The following AMPD1 variants were observed in gnomAD, a reference collection of about 807,000 sequenced individuals.
AMPD1 encodes adenosine monophosphate deaminase 1.
AMPD1 carries 74 observed loss-of-function variants against 82.9 expected under a neutral mutation model. The ratio of observed to expected loss-of-function variants is 0.89; its 90% CI spans 0.74 to 1.08. The LOEUF (loss-of-function observed/expected upper bound fraction) is 1.08. AMPD1 is among the 50% of genes least tolerant of loss of function. AMPD1 has a pLI of 0.00. For missense variants in AMPD1, 881 were observed against 924.5 expected, an observed-to-expected ratio of 0.95 and a Z score of 0.61; for synonymous variants, 333 against 320.5, an observed-to-expected ratio of 1.04 and a Z score of -0.42.
chr1:114,694,861 G>A (rs1316472557), intron 1 of AMPD1, among the ~76,000 whole-genome samples: 1 of 151,954 alleles, frequency 6.6e-6, no homozygotes, highest in Non-Finnish European at 1.5e-5. Context: ...AAATAAATAA[G>A]TAAAAAATAA....
chr1:114,674,714 C>T, intron 13 of AMPD1, 38 bp downstream of exon 13: 1 of 1,604,920 alleles, frequency 6.2e-7, no homozygotes, highest in Non-Finnish European at 8.5e-7. Context: ...ATTCCTCTAG[C>T]TCCAATGTAA....
Position 114,688,579 on chromosome 1 carries a change from G to A in AMPD1, c.197C>T (p.Thr66Ile). The change falls in exon 3 of 16, where the codon ACC becomes ATC. Residue 66 changes from threonine to isoleucine, a missense_variant. Physicochemically the swap from Thr to Ile is moderately conservative, Grantham distance 89 (BLOSUM62 -1). Transcript: ENST00000520113. ...AHIFHLETLS[T>I]STEARRKKRF... ...CACTTACCTCCTGGCTTCTGTGGAG[G>A]TGGACAGAGTCTCCAGATGGAATAT... 6.2e-7 allele frequency: 1 copy of A among 1,614,164 alleles called. No individual in the cohort carries two copies. Among genetic ancestry groups the A allele is most frequent in the Non-Finnish European group, 8.5e-7 (1 of 1,180,032 alleles).
intron 3 of AMPD1, among the ~76,000 whole-genome samples, chr1:114,687,621 T>C (rs1658359334): frequency 6.6e-6 from 1 of 151,966 alleles, no homozygotes; most frequent in Non-Finnish European, 1.5e-5. Flanking sequence ...AAGTAGTTAG[T>C]ATAGGTTTGA....
chr1:114,680,740 G>C (rs1046172620), intron 5 of AMPD1, among the ~76,000 whole-genome samples: 2 of 152,170 alleles, frequency 1.3e-5, no homozygotes, highest in African/African-American at 4.8e-5. Context: ...GCCAAGGCAG[G>C]CAGATCACCT....
At chr1:114,693,795 A>C (rs1459373603) in intron 1 of AMPD1, among the ~76,000 whole-genome samples, 1 of 152,264 alleles carries the variant, frequency 6.6e-6, no homozygotes, top group Non-Finnish European at 1.5e-5. Context: ...TAAACAATTT[A>C]GTAACACCTA....
intron 4 of AMPD1, among the ~76,000 whole-genome samples, chr1:114,685,187 A>G (rs1658276779): frequency 6.6e-6 from 1 of 152,176 alleles, no homozygotes; most frequent in Non-Finnish European, 1.5e-5. Flanking sequence ...GTCCTTGGCC[A>G]AAAGCGTCTG....
chr1:114,676,672 A>G (rs1657991279), intron 10 of AMPD1, among the ~76,000 whole-genome samples: 1 of 152,212 alleles, frequency 6.6e-6, no homozygotes, highest in South Asian at 2.1e-4. Context: ...ATTAGGAAGT[A>G]TTATCCCAGT....
chr1:114,673,753 C>T lies in AMPD1; in HGVS notation c.1975-4G>A, dbSNP rs1387987658. The T allele has an allele frequency of 1.2e-6, 2 of 1,609,240 alleles. No homozygotes were observed. The highest frequency in any genetic ancestry group is 1.3e-5 in the African/African-American group (1 of 74,790). ...CATATTCTTCCATTAGGGGCTCCTG[C>T]AGTTATATTAAATGAGGAAAAAAGA... On this transcript the variant is annotated splice_region_variant and splice_polypyrimidine_tract_variant and intron_variant, in intron 14 of 15. Coordinates refer to ENST00000520113, the MANE Select transcript of AMPD1 (RefSeq NM_000036.3).
intron 5 of AMPD1, 41 bp from the exon 6 acceptor site, chr1:114,680,519 A>G (rs1208532046): frequency 4.5e-6 from 7 of 1,559,102 alleles, no homozygotes; most frequent in Admixed American, 3.3e-5. Context: ...AGCACATAGG[A>G]TGAACGACCA....
chr1:114,688,597 T>C lies in AMPD1; in HGVS notation c.179A>G (p.His60Arg). 2 of 1,614,150 alleles carry C rather than the reference T, an allele frequency of 1.2e-6. No individual in the cohort carries two copies. The highest frequency in any genetic ancestry group is 1.7e-6 in the Non-Finnish European group (2 of 1,180,030). ...SHHEMQAHIF[H>R]LETLSTSTEA... ...TGTGGAGGTGGACAGAGTCTCCAGA[T>C]GGAATATGTGTGCTTGCATCTCATG... Residue 60 changes from histidine (H) to arginine (R), a missense_variant, in exon 3 of 16, where the codon CAT (histidine) becomes CGT (arginine). This residue lies in a region of AMPD1 where 783 missense variants were observed against 786.4 expected (regional missense o/e 1.00). Coordinates refer to ENST00000520113, the MANE Select transcript of AMPD1 (RefSeq NM_000036.3).
intron 5 of AMPD1, among the ~76,000 whole-genome samples, chr1:114,682,731 A>G (rs1370552360): frequency 6.6e-6 from 1 of 152,122 alleles, no homozygotes; most frequent in Non-Finnish European, 1.5e-5. Flanking sequence ...GGCGCCCGCC[A>G]CCACGCCTGG....
chr1:114,684,431 T>C, intron 4 of AMPD1, 67 bp from the exon 5 acceptor site: 1 of 1,548,736 alleles, frequency 6.5e-7, no homozygotes, highest in Admixed American at 1.7e-5. Context: ...TGAGTAAAGC[T>C]TATCCTTGGC....
At chr1:114,693,489 C>T in intron 1 of AMPD1, 42 bp from the exon 2 acceptor site, 1 of 1,575,454 alleles carries the variant, frequency 6.3e-7, no homozygotes, top group Non-Finnish European at 8.7e-7. Context: ...ATGTGAACAA[C>T]TTTCTGTAAT....
intron 11 of AMPD1, 35 bp from the exon 12 acceptor site, chr1:114,675,728 TC>T: frequency 6.2e-7 from 1 of 1,613,948 alleles, no homozygotes; most frequent in Non-Finnish European, 8.5e-7. Flanking sequence ...ATGGGTTCAG[TC>T]CAACTTCAGG....
At chr1:114,688,963 A>T (rs779904769) in intron 2 of AMPD1, 1 of 738,774 alleles carries the variant, frequency 1.4e-6, no homozygotes, top group South Asian at 1.4e-5. Context: ...AGATTCTCAT[A>T]GCACATTTCA....
At chr1:114,683,823 A>G (rs1030001597) in intron 5 of AMPD1, among the ~76,000 whole-genome samples, 8 of 152,182 alleles carry the variant, frequency 5.3e-5, no homozygotes, top group Non-Finnish European at 8.8e-5. Context: ...TGTAGGTAGC[A>G]AGGAGCAGCT....
chr1:114,678,495 C>A lies in AMPD1; in HGVS notation c.930G>T (p.Met310Ile), dbSNP rs61752478. The change falls in exon 8 of 16, where the codon ATG becomes ATT. Residue 310 changes from methionine (M) to isoleucine (I), a missense_variant. This residue lies in a region of AMPD1 where 783 missense variants were observed against 786.4 expected (regional missense o/e 1.00). Transcript: ENST00000520113. ...VDTHIHAAAC[M>I]NQKHLLRFIK... Reference sequence around the variant, plus strand: ...TAAAACGCAGCAGATGTTTCTGGTTCATGCAAGCGGCTGCATGGATATGGG... The same window carrying A: ...TAAAACGCAGCAGATGTTTCTGGTTAATGCAAGCGGCTGCATGGATATGGG... 4.1e-3 allele frequency: 6,673 copies of A among 1,614,150 alleles called. 18 individuals carry two copies. Among genetic ancestry groups the A allele is most frequent in the Admixed American group, 6.4e-3 (382 of 60,022 alleles).
intron 4 of AMPD1, among the ~76,000 whole-genome samples, chr1:114,686,009 A>G (rs912018563): frequency 3.3e-5 from 5 of 152,126 alleles, no homozygotes; most frequent in Admixed American, 1.3e-4. Context: ...CAGTTTCACC[A>G]ATATGATGCT....
chr1:114,675,768 C>A, intron 11 of AMPD1, 75 bp from the exon 12 acceptor site: 1 of 1,613,316 alleles, frequency 6.2e-7, no homozygotes, highest in East Asian at 2.2e-5. Context: ...ACTTTCAGGT[C>A]CAAAGGCACA....
Sources: allele counts gnomAD v4.1 joint callset (sites outside exome capture counted in the v4.1 genomes callset), GRCh38; gene constraint gnomAD v4.1.1; regional missense constraint gnomAD v4.1.1; transcripts MANE v1.5; gene names NCBI Gene and HGNC (gene_info 2026-07-23, HGNC 2026-07-21).